CDH18: variants seen among roughly 807,000 people sequenced by gnomAD.
The protein encoded by CDH18 is cadherin-18.
CDH18 carries 31 observed loss-of-function variants against 67.9 expected under a neutral mutation model. The observed-to-expected ratio is 0.46, with a 90% CI of 0.34 to 0.62. CDH18 has a LOEUF of 0.62. Ranked by LOEUF, CDH18 falls within the 20% of genes least tolerant of loss-of-function variation. The probability of loss-of-function intolerance (pLI) is 0.01; values close to 1 mark genes in which losing one functional copy is unlikely to be tolerated. For synonymous variants in CDH18, 362 were observed against 347.2 expected, an observed-to-expected ratio of 1.04 and a Z score of -0.48; for missense variants, 890 against 975.5, an observed-to-expected ratio of 0.91 and a Z score of 1.17.
intron 1 of CDH18, among the ~76,000 whole-genome samples, chr5:20,464,244 T>C (rs1751477189): frequency 6.6e-6 from 1 of 152,116 alleles, no homozygotes; most frequent in African/African-American, 2.4e-5. Context: ...GTAAATAAAA[T>C]GGCTAGCACC....
chr5:19,804,097 G>A lies in CDH18; in HGVS notation c.228+34662C>T, dbSNP rs562730499. On this transcript the variant is annotated intron_variant, in intron 3 of 12. Coordinates refer to ENST00000382275, the MANE Select transcript of CDH18 (RefSeq NM_004934.5). ...GATTACGCCACTGCACTCCAGCCTGGGCGACAGAGCAAGACTTTGTCTCAA... is the reference window on the plus strand; with the variant it reads ...GATTACGCCACTGCACTCCAGCCTGAGCGACAGAGCAAGACTTTGTCTCAA... The A allele has an allele frequency of 3.3e-4, 50 of 150,040 alleles. 2 individuals carry two copies. Among genetic ancestry groups the A allele is most frequent in the African/African-American group, 1.1e-3 (45 of 40,602 alleles). 9.3% of individuals were successfully genotyped at this position (150,040 alleles called of 1,614,324 possible).
At chr5:19,595,008 G>T (rs1339436674) in intron 6 of CDH18, among the ~76,000 whole-genome samples, 1 of 151,988 alleles carries the variant, frequency 6.6e-6, no homozygotes, top group East Asian at 1.9e-4. Context: ...GTCCTTGTTT[G>T]TAGATAACAT....
intron 5 of CDH18, among the ~76,000 whole-genome samples, chr5:19,705,634 G>A (rs1041840012): frequency 2.6e-5 from 4 of 152,124 alleles, no homozygotes; most frequent in Non-Finnish European, 5.9e-5. Flanking sequence ...TTCAAGAGCA[G>A]GATCTTGTAG....
chr5:20,198,155 T>C (rs1440993564), intron 2 of CDH18, among the ~76,000 whole-genome samples: 4 of 152,164 alleles, frequency 2.6e-5, no homozygotes, highest in African/African-American at 4.8e-5. Context: ...AGTAAATTGT[T>C]ACTGAGTAAT....
chr5:19,955,821 T>C (rs1279736117), intron 2 of CDH18, among the ~76,000 whole-genome samples: 3 of 151,940 alleles, frequency 2.0e-5, no homozygotes, highest in African/African-American at 7.2e-5. Flanking sequence ...TGAAAACAGA[T>C]TTGTGGATCC....
At chr5:19,571,962 G>T in intron 7 of CDH18, 130 bp from the exon 8 acceptor site, 2 of 726,372 alleles carry the variant, frequency 2.8e-6, no homozygotes, top group Non-Finnish European at 4.5e-6. Flanking sequence ...AGTCATTCTA[G>T]CTTTGTTCTA....
At chr5:20,300,138 T>C (rs1747851423) in intron 1 of CDH18, among the ~76,000 whole-genome samples, 1 of 152,192 alleles carries the variant, frequency 6.6e-6, no homozygotes, top group East Asian at 1.9e-4. Flanking sequence ...TAATCTTTCC[T>C]CTTAGTGGAG....
At chr5:20,395,072 C>T (rs1217526542) in intron 1 of CDH18, among the ~76,000 whole-genome samples, 2 of 152,094 alleles carry the variant, frequency 1.3e-5, no homozygotes, top group Non-Finnish European at 1.5e-5. Flanking sequence ...TTATTCAATA[C>T]AGAAATTCTA....
intron 8 of CDH18, among the ~76,000 whole-genome samples, chr5:19,560,442 A>T (rs114146637): frequency 0.036 from 5,488 of 152,246 alleles, 153 homozygotes; most frequent in East Asian, 0.059. Context: ...TTGTACTGGG[A>T]TAACTGGCAA....
chr5:20,321,516 T>C (rs563496937), intron 1 of CDH18, among the ~76,000 whole-genome samples: 3 of 152,202 alleles, frequency 2.0e-5, no homozygotes, highest in Admixed American at 6.5e-5. Context: ...GAAATGTCAT[T>C]TCACATTACT....
chr5:20,450,696 G>GT (rs1214654409), intron 1 of CDH18, among the ~76,000 whole-genome samples: 1 of 152,098 alleles, frequency 6.6e-6, no homozygotes, highest in Non-Finnish European at 1.5e-5. Flanking sequence ...ACACTAGTCA[G>GT]TTTTTTGTCA....
chr5:20,287,202 C>T (rs1191329528), intron 1 of CDH18, among the ~76,000 whole-genome samples: 4 of 151,670 alleles, frequency 2.6e-5, no homozygotes. Context: ...ATTTCACTAA[C>T]CATTACTATG....
intron 2 of CDH18, among the ~76,000 whole-genome samples, chr5:19,859,025 G>A (rs975987832): frequency 6.6e-6 from 1 of 152,078 alleles, no homozygotes; most frequent in Non-Finnish European, 1.5e-5. Flanking sequence ...TGTATTTAAT[G>A]TGTACAATTT....
At chr5:19,654,815 G>A (rs1756102947) in intron 5 of CDH18, among the ~76,000 whole-genome samples, 2 of 152,148 alleles carry the variant, frequency 1.3e-5, no homozygotes, top group Admixed American at 6.5e-5. Context: ...CTGGAAAGGA[G>A]ATGGACTAGG....
At chr5:20,203,162 T>C (rs1332333033) in intron 2 of CDH18, among the ~76,000 whole-genome samples, 3 of 152,156 alleles carry the variant, frequency 2.0e-5, no homozygotes, top group African/African-American at 4.8e-5. Context: ...AATAATGTGA[T>C]GGAGATGAAC....
chr5:19,803,474 G>A (rs1777677681), intron 3 of CDH18, among the ~76,000 whole-genome samples: 1 of 152,154 alleles, frequency 6.6e-6, no homozygotes, highest in South Asian at 2.1e-4. Flanking sequence ...GAAATGTGCA[G>A]TAGTCACATG....
At chr5:19,846,911 A>G (rs991962759) in intron 2 of CDH18, among the ~76,000 whole-genome samples, 2 of 120,204 alleles carry the variant, frequency 1.7e-5, no homozygotes, top group East Asian at 4.9e-4. Flanking sequence ...TGTCGGCAAG[A>G]TTTTTTTTCT....
At chr5:19,909,995 T>A (rs74435328) in intron 2 of CDH18, among the ~76,000 whole-genome samples, 1 of 152,144 alleles carries the variant, frequency 6.6e-6, no homozygotes, top group Non-Finnish European at 1.5e-5. Flanking sequence ...AGTCTGTGAG[T>A]TCATTCTTGC....
intron 1 of CDH18, among the ~76,000 whole-genome samples, chr5:20,332,337 A>T (rs987993016): frequency 2.0e-5 from 3 of 152,164 alleles, no homozygotes; most frequent in African/African-American, 7.2e-5. Context: ...TTGTCTTTTC[A>T]CAATTCTTAA....
Sources: allele counts gnomAD v4.1 joint callset (sites outside exome capture counted in the v4.1 genomes callset), GRCh38; gene constraint gnomAD v4.1.1; transcripts MANE v1.5; gene names NCBI Gene and HGNC (gene_info 2026-07-23, HGNC 2026-07-21).